Variants in DNAH17 observed in about 807,000 individuals in gnomAD.
DNAH17 encodes dynein axonemal heavy chain 17, also known as axonemal beta dynein heavy chain 17.
DNAH17 carries 376 observed loss-of-function variants against 485.6 expected under a neutral mutation model. The observed-to-expected ratio is 0.77, with a 90% CI of 0.71 to 0.84. The LOEUF is 0.84. Among genes scored for constraint, DNAH17 ranks in the 40% least tolerant of loss-of-function variants. The pLI is 0.00. For missense variants in DNAH17, 6,370 were observed against 5,839.3 expected (o/e 1.09, Z -2.96); for synonymous variants, 3,031 against 2,405.9 (o/e 1.26, Z -7.60).
chr17:78,424,051 C>T lies in DNAH17; in HGVS notation c.13244G>A (p.Arg4415His), dbSNP rs769326697. The change falls in exon 81 of 81, where the codon CGC (arginine) becomes CAC (histidine). Residue 4415 changes from arginine (R) to histidine (H), a missense_variant. Transcript: ENST00000389840. ...CTCATAGATGTTCTTGGTCTCCATG[C>T]GGTCCACAGGAATGGCCTTGATGAA... ...VIFIKAIPVD[R>H]METKNIYECP... The T allele has an allele frequency of 4.5e-5, 73 of 1,613,904 alleles. No individual in the cohort carries two copies. The highest frequency in any genetic ancestry group is 5.1e-5 in the Non-Finnish European group (60 of 1,179,910).
At chr17:78,493,724 A>C (rs571633015) in intron 41 of DNAH17, among the ~76,000 whole-genome samples, 1 of 152,196 alleles carries the variant, frequency 6.6e-6, no homozygotes, top group Non-Finnish European at 1.5e-5. Context: ...AGGTGACAGG[A>C]GGGCGATGGG....
chr17:78,560,847 G>A lies in DNAH17; in HGVS notation c.1924C>T (p.Gln642Ter), dbSNP rs777550533. 6.4e-7 allele frequency: 1 copy of A among 1,551,838 alleles called. No homozygotes were observed. The highest frequency in any genetic ancestry group is 8.7e-7 in the Non-Finnish European group (1 of 1,147,146). ...LLRCHREKIY[Q>*]QWVAGVDQDC... ...TGGTCCACGCCCGCCACCCACTGCT[G>A]GTAGATCTTCTCGCGGTGGCACCTC... The change falls in exon 13 of 81, where the codon CAG (glutamine) becomes TAG (stop). Residue 642 changes from glutamine (Q) to a stop codon, truncating the protein, a stop_gained. Coordinates refer to ENST00000389840, the MANE Select transcript of DNAH17 (RefSeq NM_173628.4). LOFTEE classifies it high-confidence loss of function.
intron 41 of DNAH17, among the ~76,000 whole-genome samples, chr17:78,493,622 C>T (rs1183060426): frequency 3.9e-5 from 6 of 152,242 alleles, no homozygotes; most frequent in South Asian, 2.1e-4. Context: ...GGCCTCTGGC[C>T]GGACACTTGG....
At chr17:78,573,617 TGA>T (rs2092392040) in intron 2 of DNAH17, among the ~76,000 whole-genome samples, 1 of 71,222 alleles carries the variant, frequency 1.4e-5, no homozygotes, top group African/African-American at 5.1e-5. Flanking sequence ...AAAAAAGAGG[TGA>T]GTAATTAAAA....
At chr17:78,572,672 G>C in intron 3 of DNAH17, 29 bp downstream of exon 3, 2 of 1,560,374 alleles carry the variant, frequency 1.3e-6, no homozygotes, top group Non-Finnish European at 1.7e-6. Flanking sequence ...CCCACCCAGC[G>C]GCAGCCGGAA....
chr17:78,559,821 G>A (rs62075924), intron 13 of DNAH17, among the ~76,000 whole-genome samples: 27,622 of 151,200 alleles, frequency 0.18, 3,122 homozygotes, highest in Middle Eastern at 0.27. Flanking sequence ...CCATTCCCCC[G>A]CCCCACTGGC....
rs753237288 is a variant in DNAH17 at position 78,424,031 on chromosome 17, AGATGTT to A, written c.13258_13263del (p.Asn4420_Ile4421del). 21 of 1,613,932 alleles carry A rather than the reference AGATGTT, an allele frequency of 1.3e-5. No homozygotes were observed. Among genetic ancestry groups the A allele is most frequent in the Non-Finnish European group, 1.7e-5 (20 of 1,179,898 alleles). On this transcript the variant is annotated inframe_deletion, in exon 81 of 81. Coordinates refer to ENST00000389840, the MANE Select transcript of DNAH17 (RefSeq NM_173628.4). ...CGTGTTTTGTACACGGGACACTCAT[AGATGTT>A]CTTGGTCTCCATGCGGTCCACAGGA...
rs554334266 is a variant in DNAH17, at chr17:78,459,687, C to T, written c.9653+97G>A. ...GCTGCCTAGATTTTGAGCCACAGGC[C>T]CCAAGAGCCTGAGGCCATGCTTCAC... On this transcript the variant is annotated intron_variant, in intron 60 of 80. Transcript: ENST00000389840. 4.2e-5 allele frequency: 58 copies of T among 1,376,950 alleles called. 1 individual carries two copies. In the African/African-American group the frequency reaches 5.7e-4, roughly 14 times the overall value. 85.3% of individuals were successfully genotyped at this position (1,376,950 alleles called of 1,614,324 possible). A position where few individuals can be genotyped will look rare whatever the true frequency, so the allele number is the denominator to read the frequency against.
chr17:78,496,228 A>C (rs1252921872), intron 37 of DNAH17, among the ~76,000 whole-genome samples, 196 bp from the exon 38 acceptor site: 1 of 152,078 alleles, frequency 6.6e-6, no homozygotes, highest in African/African-American at 2.4e-5. Flanking sequence ...AATAATACAG[A>C]GGGCCAGGCA....
At chr17:78,528,081 A>C (rs2091125423) in intron 22 of DNAH17, among the ~76,000 whole-genome samples, 2 of 151,956 alleles carry the variant, frequency 1.3e-5, no homozygotes, top group African/African-American at 2.4e-5. Flanking sequence ...ACCGGGCCAT[A>C]AAATATTTTA....
At chr17:78,524,165 TCTCA>T (rs1369886254) in intron 25 of DNAH17, among the ~76,000 whole-genome samples, 1 of 152,024 alleles carries the variant, frequency 6.6e-6, no homozygotes, top group Non-Finnish European at 1.5e-5. Flanking sequence ...TGAGATGGAG[TCTCA>T]CTCTATCGCC....
At chr17:78,470,560 G>A (rs993108523) in intron 54 of DNAH17, among the ~76,000 whole-genome samples, 3 of 151,952 alleles carry the variant, frequency 2.0e-5, no homozygotes, top group Non-Finnish European at 4.4e-5. Context: ...GTGGTGGCAC[G>A]CACCTGTAAT....
At chr17:78,485,897 G>C (rs2089585320) in intron 46 of DNAH17, 63 bp downstream of exon 46, 2 of 1,583,928 alleles carry the variant, frequency 1.3e-6, no homozygotes, top group African/African-American at 2.7e-5. Flanking sequence ...GGCGTGTGGA[G>C]GGTACTGCAC....
intron 59 of DNAH17, 45 bp from the exon 60 acceptor site, chr17:78,460,046 G>A (rs1426566723): frequency 1.2e-6 from 2 of 1,606,364 alleles, no homozygotes; most frequent in South Asian, 1.1e-5. Flanking sequence ...TTTGGACCGG[G>A]TCCTCGGTGA....
At chr17:78,470,678 G>C (rs2088707912) in intron 54 of DNAH17, among the ~76,000 whole-genome samples, 1 of 152,178 alleles carries the variant, frequency 6.6e-6, no homozygotes, top group Admixed American at 6.5e-5. Context: ...AACAGAGTGA[G>C]ACTCCGTCTC....
At chr17:78,451,763 G>A (rs1344532925) in intron 65 of DNAH17, 90 bp from the exon 66 acceptor site, 1 of 1,174,238 alleles carries the variant, frequency 8.5e-7, no homozygotes, top group Non-Finnish European at 1.2e-6. Context: ...CCCAGCCCCA[G>A]GCCAGGCCGC....
rs558898113 is a variant in DNAH17 at position 78,488,275 on chromosome 17, C to T, written c.6819-1769G>A. 5.3e-5 allele frequency among the ~76,000 whole-genome samples: 8 copies of T among 152,352 alleles called. No individual in the cohort carries two copies. The South Asian group carries it at 1.7e-3, about 32-fold the overall frequency. ...CTTCTTGCCCTGTCCCCAAGGCCAT[C>T]CTGGGTGCATCCGGCATCCCTGCCC... On this transcript the variant is annotated intron_variant, in intron 44 of 80. Transcript: ENST00000389840.
intron 19 of DNAH17, among the ~76,000 whole-genome samples, chr17:78,535,367 C>CA (rs1300347391): frequency 1.3e-5 from 2 of 152,224 alleles, no homozygotes; most frequent in Non-Finnish European, 2.9e-5. Flanking sequence ...AACCTCCTCC[C>CA]ACCCTTCCAG....
intron 54 of DNAH17, among the ~76,000 whole-genome samples, chr17:78,473,543 CAAAAA>C (rs758795883): frequency 1.8e-5 from 1 of 55,446 alleles, no homozygotes; most frequent in Non-Finnish European, 3.5e-5. Context: ...GACTCTGTCT[CAAAAA>C]AAAAAAAAAA....
Sources: allele counts gnomAD v4.1 joint callset (sites outside exome capture counted in the v4.1 genomes callset), GRCh38; gene constraint gnomAD v4.1.1; transcripts MANE v1.5; gene names NCBI Gene and HGNC (gene_info 2026-07-23, HGNC 2026-07-21).